Variants in WDFY4 observed in about 807,000 individuals in gnomAD.
WDFY4 encodes the protein WD repeat- and FYVE domain-containing protein 4.
Under a neutral mutation model 351.9 loss-of-function variants are expected in WDFY4, and 169 were observed. That is an observed-to-expected ratio of 0.48 (90% CI 0.42 to 0.55). The LOEUF is 0.55. WDFY4 is among the 20% of genes least tolerant of loss of function. WDFY4 has a pLI of 0.00. For missense variants in WDFY4, 3,803 were observed against 3,935.6 expected (o/e 0.97, Z 0.90); for synonymous variants, 1,622 against 1,574.6 (o/e 1.03, Z -0.71).
intron 32 of WDFY4, among the ~76,000 whole-genome samples, 155 bp downstream of exon 32, chr10:48,817,564 C>A (rs1194268640): frequency 6.6e-6 from 1 of 152,216 alleles, no homozygotes; most frequent in Non-Finnish European, 1.5e-5. Context: ...GATAACCATC[C>A]TTTTTTGGCT....
At chr10:48,969,552 T>A (rs1842244214) in intron 56 of WDFY4, among the ~76,000 whole-genome samples, 1 of 152,060 alleles carries the variant, frequency 6.6e-6, no homozygotes. Context: ...AGGAGGGAAG[T>A]CCTGGGGGCT....
Position 48,790,883 on chromosome 10 carries a change from G to A in WDFY4, c.4223G>A (p.Cys1408Tyr). 6.4e-7 allele frequency: 1 copy of A among 1,551,758 alleles called. No individual in the cohort carries two copies. The highest frequency in any genetic ancestry group is 8.7e-7 in the Non-Finnish European group (1 of 1,147,014). The change falls in exon 23 of 62, where the codon TGT becomes TAT. Residue 1408 changes from cysteine (C) to tyrosine (Y), a missense_variant. Around this residue, in one of 3 missense-constraint regions of WDFY4, gnomAD observed 3,054 missense variants for 3,148.6 expected, o/e 0.97. Transcript: ENST00000325239. The part of the protein sequence containing the change: ...LHSVLTSNAM[C>Y]DFLMQHICGY... ...TCGGTCCTGACCAGTAATGCCATGT[G>A]TGACTTCCTGATGCAACACATCTGT...
intron 47 of WDFY4, chr10:48,910,352 T>G: frequency 1.5e-5 from 16 of 1,078,848 alleles, no homozygotes; most frequent in Non-Finnish European, 2.3e-5. Context: ...ACCAAGGTCA[T>G]GCCTGACCTT....
In WDFY4 at chr10:48,943,198, G is replaced by A. The variant is rs549415160; in HGVS notation, c.7630-132G>A. ...GGGTCATGCATGAGATGTGCACAAA[G>A]TAACCGAGGGGCTGGCTGCCTGTCC... On this transcript the variant is annotated intron_variant, in intron 48 of 61. Coordinates refer to ENST00000325239, the MANE Select transcript of WDFY4 (RefSeq NM_001394531.1). The A allele has an allele frequency of 1.9e-4, 206 of 1,057,944 alleles. No individual in the cohort carries two copies. In the African/African-American group the frequency reaches 2.9e-3, roughly 15 times the overall value. The allele number at this position is 1,057,944 out of a possible 1,614,324, so 65.5% of individuals were successfully genotyped here. A position where few individuals can be genotyped will look rare whatever the true frequency, so the allele number is the denominator to read the frequency against.
intron 51 of WDFY4, among the ~76,000 whole-genome samples, chr10:48,953,867 G>A (rs939489833): frequency 5.9e-5 from 9 of 152,216 alleles, no homozygotes; most frequent in African/African-American, 2.2e-4. Flanking sequence ...ATGTCTAATA[G>A]TGATTGAAAT....
chr10:48,978,246 G>C lies in WDFY4; in HGVS notation c.9292-63G>C. 3.3e-6 allele frequency: 5 copies of C among 1,513,640 alleles called. No homozygotes were observed. The South Asian group carries it at 5.1e-5, about 15-fold the overall frequency. The allele number at this position is 1,513,640 out of a possible 1,614,324, so 93.8% of individuals were successfully genotyped here. ...CCCTAGGCGTGAGGAAATGGACTAG[G>C]CCACTCCAAGCTTGCAGACAGGATC... On this transcript the variant is annotated intron_variant, in intron 59 of 61. Transcript: ENST00000325239.
At chr10:48,701,501 T>C (rs775593759) in intron 1 of WDFY4, among the ~76,000 whole-genome samples, 1 of 152,224 alleles carries the variant, frequency 6.6e-6, no homozygotes, top group Non-Finnish European at 1.5e-5. Flanking sequence ...AAACATAGTA[T>C]TTTTAATTGG....
intron 61 of WDFY4, among the ~76,000 whole-genome samples, chr10:48,981,945 A>G (rs1842825639): frequency 6.6e-6 from 1 of 152,170 alleles, no homozygotes; most frequent in Non-Finnish European, 1.5e-5. Flanking sequence ...GCAGTAACCC[A>G]TGGAGGTGGT....
At chr10:48,929,077 G>C (rs903497148) in intron 47 of WDFY4, among the ~76,000 whole-genome samples, 1 of 152,202 alleles carries the variant, frequency 6.6e-6, no homozygotes, top group African/African-American at 2.4e-5. Flanking sequence ...TTTTTAGAAA[G>C]GGGGAGGCCA....
intron 32 of WDFY4, among the ~76,000 whole-genome samples, chr10:48,818,012 A>G (rs2067682089): frequency 1.3e-5 from 2 of 152,226 alleles, no homozygotes; most frequent in African/African-American, 2.4e-5. Context: ...CCAGCAGGTC[A>G]AAGCTTGGCT....
At chr10:48,905,106 G>A (rs1837551413) in intron 47 of WDFY4, among the ~76,000 whole-genome samples, 1 of 152,198 alleles carries the variant, frequency 6.6e-6, no homozygotes, top group Non-Finnish European at 1.5e-5. Context: ...ATTCTGTAAT[G>A]TCACTCAGTG....
At chr10:48,812,364 GT>G (rs1360436348) in intron 30 of WDFY4, among the ~76,000 whole-genome samples, 1 of 151,488 alleles carries the variant, frequency 6.6e-6, no homozygotes, top group Non-Finnish European at 1.5e-5. Flanking sequence ...GAATTTTTGT[GT>G]TTTTAGTACA....
At chr10:48,865,343 T>C (rs982311164) in intron 39 of WDFY4, among the ~76,000 whole-genome samples, 1 of 152,234 alleles carries the variant, frequency 6.6e-6, no homozygotes, top group Non-Finnish European at 1.5e-5. Flanking sequence ...GTTTCTGTTA[T>C]TTATTCTATT....
chr10:48,871,658 G>A (rs371630822), intron 40 of WDFY4, among the ~76,000 whole-genome samples: 2 of 151,914 alleles, frequency 1.3e-5, no homozygotes, highest in African/African-American at 4.8e-5. Flanking sequence ...TAATTTTTTT[G>A]TAGAGACTGG....
chr10:48,742,939 C>A, intron 11 of WDFY4, 29 bp from the exon 12 acceptor site: 1 of 1,522,772 alleles, frequency 6.6e-7, no homozygotes, highest in Non-Finnish European at 8.8e-7. Context: ...TCCTGGAGTG[C>A]ACTCATTTTG....
At chr10:48,858,451 C>T (rs936666502) in intron 39 of WDFY4, among the ~76,000 whole-genome samples, 4 of 152,118 alleles carry the variant, frequency 2.6e-5, no homozygotes, top group Non-Finnish European at 5.9e-5. Flanking sequence ...GCTCCAACAC[C>T]ATTTGCTGAA....
intron 27 of WDFY4, among the ~76,000 whole-genome samples, chr10:48,807,182 T>C (rs2067285662): frequency 1.3e-5 from 2 of 152,194 alleles, no homozygotes; most frequent in Non-Finnish European, 2.9e-5. Flanking sequence ...ATGCCCTGTA[T>C]TGGTGTGAAA....
At chr10:48,879,898 A>G (rs1347620807) in intron 43 of WDFY4, among the ~76,000 whole-genome samples, 1 of 151,062 alleles carries the variant, frequency 6.6e-6, no homozygotes, top group Non-Finnish European at 1.5e-5. Context: ...CCCCAACACC[A>G]CCTCTCTGAC....
chr10:48,949,512 G>T (rs1841215584), intron 51 of WDFY4, among the ~76,000 whole-genome samples: 1 of 152,068 alleles, frequency 6.6e-6, no homozygotes, highest in South Asian at 2.1e-4. Flanking sequence ...CTGCCTCCTA[G>T]GGGGAGGCCT....
Sources: gnomAD v4.1 joint callset for allele counts (sites outside exome capture counted in the v4.1 genomes callset) on GRCh38, gnomAD v4.1.1 for gene constraint, gnomAD v4.1.1 regional missense constraint, MANE v1.5 for transcripts, NCBI Gene and HGNC (gene_info 2026-07-23, HGNC 2026-07-21) for gene names.